Variants in ACSL5 observed in about 807,000 individuals in gnomAD.
ACSL5 encodes the protein long-chain-fatty-acid--CoA ligase 5.
In ACSL5, 50 loss-of-function variants were observed where a neutral mutation model predicts 84.9. The ratio of observed to expected loss-of-function variants is 0.59; its 90% CI spans 0.47 to 0.75. ACSL5 has a LOEUF of 0.75. Ranked by LOEUF, ACSL5 falls within the 30% of genes least tolerant of loss-of-function variation. The probability of loss-of-function intolerance (pLI) is 0.00; values close to 1 mark genes in which losing one functional copy is unlikely to be tolerated. For missense variants in ACSL5, 775 were observed against 830.4 expected (o/e 0.93, Z 0.82); for synonymous variants, 280 against 300.7 (o/e 0.93, Z 0.71).
At chr10:112,416,825 C>G (rs1589695320) in intron 12 of ACSL5, 63 bp from the exon 13 acceptor site, 1 of 1,565,788 alleles carries the variant, frequency 6.4e-7, no homozygotes. Flanking sequence ...GTTTCTTGCT[C>G]ACTAATGGCT....
At chr10:112,399,042 G>C (rs372092732) in intron 3 of ACSL5, 33 bp downstream of exon 3, 19 of 1,562,440 alleles carry the variant, frequency 1.2e-5, no homozygotes, top group Admixed American at 1.7e-5. Context: ...GCCTGAAGAA[G>C]ACAAGGTGAG....
At chr10:112,399,067 T>G in intron 3 of ACSL5, 58 bp downstream of exon 3, 1 of 1,414,160 alleles carries the variant, frequency 7.1e-7, no homozygotes, top group Non-Finnish European at 1.0e-6. Flanking sequence ...GTGGCCCATC[T>G]CTCTTTCTCT....
At chr10:112,408,865 T>C (rs1399242169) in intron 6 of ACSL5, 2 of 189,986 alleles carry the variant, frequency 1.1e-5, no homozygotes, top group Non-Finnish European at 1.1e-5. Context: ...ACAGATTTAA[T>C]TTCCTACCTT....
Position 112,419,102 on chromosome 10 carries a change from C to CTG in ACSL5, c.1314+1189_1314+1190dup, listed in dbSNP as rs57261585. The stretch of plus-strand genomic sequence containing the variant: ...GGTCAAAGTAATACACACAATGTAT[C>CTG]TGTGTGTGTGTGTGTGTGTGTGTGT... On this transcript the variant is annotated intron_variant, in intron 14 of 20. Transcript: ENST00000354655. Among the ~76,000 whole-genome samples the CTG allele has an allele frequency of 1.0e-2, 1,459 of 146,480 alleles. 15 individuals carry two copies. The highest frequency in any genetic ancestry group is 0.032 in the African/African-American group (1,247 of 38,948).
rs187557451 is a variant in ACSL5 at position 112,408,276 on chromosome 10, G to T, written c.433-146G>T. The T allele has an allele frequency of 4.2e-4, 234 of 561,694 alleles. No homozygotes were observed. The African/African-American group carries it at 4.2e-3, about 10-fold the overall frequency. The allele number at this position is 561,694 out of a possible 1,614,324, so 34.8% of individuals were successfully genotyped here. A position where few individuals can be genotyped will look rare whatever the true frequency, so the allele number is the denominator to read the frequency against. The stretch of plus-strand genomic sequence containing the variant: ...ATCACACCACTGCACTCCAGCCTGG[G>T]CAGCAGAGTGAGGCACTGTCTCAAA... On this transcript the variant is annotated intron_variant, in intron 5 of 20. Coordinates refer to ENST00000354655, the MANE Select transcript of ACSL5 (RefSeq NM_203379.2).
chr10:112,426,842 C>T lies in ACSL5; in HGVS notation c.1894C>T (p.Leu632Phe), dbSNP rs1215733430. ...GCAGAAAATTGGGAAAGAAAGTGGC[C>T]TTAAAACTTTTGAACAGGTGTGTGC... Reference protein sequence around the residue: ...DLQKIGKESGLKTFEQVKAIF... With the variant: ...DLQKIGKESGFKTFEQVKAIF... The change falls in exon 20 of 21, where the codon CTT becomes TTT. Residue 632 changes from leucine to phenylalanine, a missense_variant. Transcript: ENST00000354655. 3 of 1,613,714 alleles carry T rather than the reference C, an allele frequency of 1.9e-6. No homozygotes were observed. The African/African-American group carries it at 4.0e-5, about 22-fold the overall frequency.
intron 1 of ACSL5, chr10:112,376,574 C>T: frequency 7.5e-7 from 1 of 1,333,900 alleles, no homozygotes; most frequent in South Asian, 1.4e-5. Context: ...GGCTGAGTTC[C>T]ACGGGCACAT....
At position 112,383,374 on chromosome 10, in the gene ACSL5, A is replaced by G. The variant is rs574633873; in HGVS notation, c.-30+9105A>G. 2.6e-5 allele frequency among the ~76,000 whole-genome samples: 4 copies of G among 152,364 alleles called. No individual in the cohort carries two copies. In the South Asian group the frequency reaches 6.2e-4, roughly 24 times the overall value. ...CTGGGGCCATGGCTATTATAAGACA[A>G]TGGCTTGAGCAACTGGTGAATGGCT... On this transcript the variant is annotated intron_variant, in intron 1 of 20. Transcript: ENST00000354655.
intron 5 of ACSL5, 71 bp from the exon 6 acceptor site, chr10:112,408,351 G>A (rs993911084): frequency 1.8e-5 from 16 of 873,290 alleles, no homozygotes; most frequent in African/African-American, 5.1e-5. Context: ...GACAGCATTT[G>A]TTGGCTGAAT....
rs375766622 is a variant in ACSL5 at position 112,416,890 on chromosome 10, A to G, written c.1086A>G (p.Val362=). The G allele has an allele frequency of 6.2e-6, 10 of 1,613,940 alleles. No homozygotes were observed. The highest frequency in any genetic ancestry group is 7.6e-6 in the Non-Finnish European group (9 of 1,179,942). The change falls in exon 13 of 21, where the codon GTA becomes GTG. Residue 362 remains valine, a splice_region_variant and synonymous_variant. Transcript: ENST00000354655. ...TAAAAGGAGCTATCACTCTGCAGGTACAAAATGAGGCCAAGACACCCTTGA... is the reference window on the plus strand; with the variant it reads ...TAAAAGGAGCTATCACTCTGCAGGTGCAAAATGAGGCCAAGACACCCTTGA... ...PRLLNRIYDK[V]QNEAKTPLKK...
Position 112,410,622 on chromosome 10 carries a change from C to G in ACSL5, c.783C>G (p.Thr261=), listed in dbSNP as rs757383104. The change falls in exon 9 of 21, where the codon ACC becomes ACG. Residue 261 remains threonine (T), a synonymous_variant. Transcript: ENST00000354655. ...AAGACCTGAGCGTCATCTGCTTCAC[C>G]AGTGGGACCACAGGTCTGTGCCCAT... ...SPEDLSVICF[T]SGTTGDPKGA... is the part of the protein sequence containing the mutation. The G allele has an allele frequency of 1.9e-6, 3 of 1,613,686 alleles. No individual in the cohort carries two copies. The Admixed American group carries it at 5.0e-5, about 27-fold the overall frequency.
intron 1 of ACSL5, among the ~76,000 whole-genome samples, chr10:112,387,296 A>G (rs908273018): frequency 6.6e-6 from 1 of 152,238 alleles, no homozygotes; most frequent in Non-Finnish European, 1.5e-5. Flanking sequence ...AAAGCCCTTC[A>G]TCCCAGGGCT....
chr10:112,417,981 T>G, intron 14 of ACSL5, 40 bp downstream of exon 14: 1 of 1,477,344 alleles, frequency 6.8e-7, no homozygotes, highest in Non-Finnish European at 9.2e-7. Context: ...CTATTTTACT[T>G]TTGCACAAAC....
At chr10:112,406,045 C>A (rs1844029581) in intron 5 of ACSL5, 1 of 151,904 alleles carries the variant, frequency 6.6e-6, no homozygotes, top group Non-Finnish European at 1.5e-5. Flanking sequence ...ATATAGGCAC[C>A]CTCAATGTAA....
intron 1 of ACSL5, among the ~76,000 whole-genome samples, chr10:112,374,941 T>C (rs1403790006): frequency 2.0e-5 from 3 of 152,034 alleles, no homozygotes; most frequent in African/African-American, 7.2e-5. Context: ...CCCCCTGAAA[T>C]CCTGAGGGTG....
At chr10:112,410,812 C>T (rs1264120804) in intron 9 of ACSL5, among the ~76,000 whole-genome samples, 177 bp downstream of exon 9, 2 of 152,190 alleles carry the variant, frequency 1.3e-5, no homozygotes, top group African/African-American at 4.8e-5. Flanking sequence ...TAAGTAAATA[C>T]ACTTTATTTA....
At chr10:112,381,345 G>A (rs79671623) in intron 1 of ACSL5, among the ~76,000 whole-genome samples, 13,186 of 152,204 alleles carry the variant, frequency 0.087, 686 homozygotes, top group Non-Finnish European at 0.11. Context: ...TGAACACACA[G>A]GTCCACAGTT....
At chr10:112,411,871 T>C in intron 10 of ACSL5, 31 bp from the exon 11 acceptor site, 1 of 1,586,030 alleles carries the variant, frequency 6.3e-7, no homozygotes, top group Non-Finnish European at 8.7e-7. Context: ...TAATCTCATG[T>C]TGCCTCCTCT....
In ACSL5 at chr10:112,409,583, C is replaced by A. The variant is rs1328028106; in HGVS notation, c.609C>A (p.Thr203=). The A allele has an allele frequency of 1.2e-6, 2 of 1,614,044 alleles. No individual in the cohort carries two copies. The highest frequency in any genetic ancestry group is 1.7e-6 in the Non-Finnish European group (2 of 1,179,984). Reference sequence around the variant, plus strand: ...TAGGGAATGTAGAGAAAGGCTTCACCCCGAGCCTGAAGGTGATCATCCTTA... The same window carrying A: ...TAGGGAATGTAGAGAAAGGCTTCACACCGAGCCTGAAGGTGATCATCCTTA... The part of the protein sequence containing the change: ...VLIGNVEKGF[T]PSLKVIILMD... Residue 203 remains threonine (T), a synonymous_variant, in exon 7 of 21, where the codon ACC becomes ACA. Transcript: ENST00000354655.
Sources: allele counts gnomAD v4.1 joint callset (sites outside exome capture counted in the v4.1 genomes callset), GRCh38; gene constraint gnomAD v4.1.1; transcripts MANE v1.5; gene names NCBI Gene and HGNC (gene_info 2026-07-23, HGNC 2026-07-21).